BPIFA3: variants seen among roughly 807,000 people sequenced by gnomAD.
BPIFA3 encodes BPI fold containing family A member 3, also known as BPI fold-containing family A member 3.
BPIFA3 carries 32 observed loss-of-function variants against 29.7 expected under a neutral mutation model. The observed-to-expected ratio is 1.08, with a 90% confidence interval of 0.81 to 1.45. The LOEUF (loss-of-function observed/expected upper bound fraction) is 1.45, where lower values mean the gene tolerates loss of function less well. BPIFA3 is among the 40% of genes most tolerant of loss of function. BPIFA3 has a pLI of 0.00. For missense variants in BPIFA3, 323 were observed against 311.3 expected (o/e 1.04, Z -0.28); for synonymous variants, 112 against 113.7 (o/e 0.98, Z 0.10).
At chr20:33,221,142 C>A (rs898556960) in intron 1 of BPIFA3, among the ~76,000 whole-genome samples, 3 of 145,294 alleles carry the variant, frequency 2.1e-5, no homozygotes, top group African/African-American at 8.4e-5. Flanking sequence ...TTATGATGTA[C>A]TGTTAGATTT....
At chr20:33,222,325 G>A (rs374020400) in intron 1 of BPIFA3, among the ~76,000 whole-genome samples, 13 of 152,284 alleles carry the variant, frequency 8.5e-5, no homozygotes, top group African/African-American at 2.6e-4. Context: ...GCTTCTTTCC[G>A]ATAGGAGAAA....
At chr20:33,218,987 C>A (rs999064534) in intron 1 of BPIFA3, among the ~76,000 whole-genome samples, 1 of 152,134 alleles carries the variant, frequency 6.6e-6, no homozygotes, top group African/African-American at 2.4e-5. Flanking sequence ...CTCACTGCAA[C>A]GTCCACCTCC....
At chr20:33,226,255 T>C in intron 4 of BPIFA3, 151 bp from the exon 5 acceptor site, 1 of 648,116 alleles carries the variant, frequency 1.5e-6, no homozygotes, top group Non-Finnish European at 2.7e-6. Flanking sequence ...AGGTCTGAGC[T>C]ACCCCTTTGA....
At chr20:33,226,121 T>C (rs1040304072) in intron 4 of BPIFA3, 1 of 307,662 alleles carries the variant, frequency 3.3e-6, no homozygotes, top group Non-Finnish European at 5.9e-6. Context: ...CAGATATTCA[T>C]TGAGTACCTA....
rs1380377951 is a variant in BPIFA3, at chr20:33,217,518, T to C, written c.-19T>C. The stretch of plus-strand genomic sequence containing the variant: ...CAGGCCCCATCTGACACTCTTGACA[T>C]CTGCAGGTCCCAGACCCTATGATGT... On this transcript the variant is annotated 5_prime_UTR_variant, in exon 1 of 7. Transcript: ENST00000375454. 4.3e-6 allele frequency: 7 copies of C among 1,612,144 alleles called. No homozygotes were observed. The highest frequency in any genetic ancestry group is 5.9e-6 in the Non-Finnish European group (7 of 1,179,228).
At position 33,223,802 on chromosome 20, in the gene BPIFA3, C is replaced by A; in HGVS notation, c.128-9C>A. 1 of 1,610,096 alleles carries A rather than the reference C, an allele frequency of 6.2e-7. No homozygotes were observed. The highest frequency in any genetic ancestry group is 8.5e-7 in the Non-Finnish European group (1 of 1,176,794). On this transcript the variant is annotated splice_polypyrimidine_tract_variant and intron_variant, in intron 1 of 6. Transcript: ENST00000375454. ...CTGTGCAAAGTCAGTGGTCCTTGTG[C>A]ATTTCCAGTTATTGCTCAGGGCCTC...
chr20:33,227,154 C>G (rs767795072), intron 6 of BPIFA3, among the ~76,000 whole-genome samples, 161 bp downstream of exon 6: 6 of 152,104 alleles, frequency 3.9e-5, no homozygotes, highest in Non-Finnish European at 7.4e-5. Context: ...ACACTGTCCC[C>G]CAAGAGAGCT....
rs1985727206 is a variant in BPIFA3, at chr20:33,225,232, T to C, written c.521T>C (p.Val174Ala). ...GATGCAGAGCCCAGCAGTGTCCATG[T>C]GGCCATCCTCACTGAGTAAGACCCC... is the stretch of plus-strand genomic sequence containing the variant. ...KCDAEPSSVHVAILTEAIPPK... is the reference protein window; with the variant it reads ...KCDAEPSSVHAAILTEAIPPK... Residue 174 changes from valine (V) to alanine (A), a missense_variant, in exon 4 of 7, where the codon GTG becomes GCG. Val to Ala is a moderately conservative substitution (Grantham distance 64). Transcript: ENST00000375454. 6.2e-7 allele frequency: 1 copy of C among 1,613,942 alleles called. No individual in the cohort carries two copies. Among genetic ancestry groups the C allele is most frequent in the Non-Finnish European group, 8.5e-7 (1 of 1,180,024 alleles).
intron 6 of BPIFA3, among the ~76,000 whole-genome samples, 191 bp downstream of exon 6, chr20:33,227,184 C>T (rs963285493): frequency 3.7e-4 from 56 of 152,154 alleles, no homozygotes; most frequent in African/African-American, 1.3e-3. Context: ...GAACGTACCC[C>T]TACCAAGCAG....
intron 1 of BPIFA3, among the ~76,000 whole-genome samples, chr20:33,218,517 C>T (rs1172808490): frequency 6.6e-6 from 1 of 152,164 alleles, no homozygotes; most frequent in African/African-American, 2.4e-5. Context: ...GTTCTGGAGG[C>T]TGGAAGTCCA....
At chr20:33,224,002 T>A in intron 2 of BPIFA3, 41 bp downstream of exon 2, 1 of 1,606,576 alleles carries the variant, frequency 6.2e-7, no homozygotes, top group Non-Finnish European at 8.5e-7. Flanking sequence ...GAACTCTTTA[T>A]AGAGCTCTAG....
intron 1 of BPIFA3, among the ~76,000 whole-genome samples, chr20:33,218,310 A>G (rs1326875047): frequency 6.6e-6 from 1 of 152,172 alleles, no homozygotes; most frequent in African/African-American, 2.4e-5. Context: ...GGTAGAGGTG[A>G]ACTCAATTTA....
intron 5 of BPIFA3, 43 bp from the exon 6 acceptor site, chr20:33,226,887 T>C: frequency 6.2e-7 from 1 of 1,613,274 alleles, no homozygotes; most frequent in East Asian, 2.2e-5. Flanking sequence ...GTTTTCCTTT[T>C]CCAGCCCCTG....
At chr20:33,218,892 A>G (rs1157738171) in intron 1 of BPIFA3, among the ~76,000 whole-genome samples, 1 of 151,842 alleles carries the variant, frequency 6.6e-6, no homozygotes, top group East Asian at 1.9e-4. Context: ...AGCATCTTAT[A>G]CTTTTGTTAA....
intron 1 of BPIFA3, among the ~76,000 whole-genome samples, chr20:33,220,373 G>A (rs956677582): frequency 6.6e-6 from 1 of 151,960 alleles, no homozygotes; most frequent in South Asian, 2.1e-4. Flanking sequence ...ACTCCAGCCT[G>A]GGGGACAGAG....
intron 1 of BPIFA3, among the ~76,000 whole-genome samples, chr20:33,217,913 C>G (rs536299891): frequency 6.6e-6 from 1 of 152,252 alleles, no homozygotes; most frequent in Non-Finnish European, 1.5e-5. Flanking sequence ...CCCTTTATGA[C>G]TTATTCTCAC....
At position 33,227,621 on chromosome 20, in the gene BPIFA3, C is replaced by G; in HGVS notation, c.*4C>G. On this transcript the variant is annotated 3_prime_UTR_variant, in exon 7 of 7. Coordinates refer to ENST00000375454, the MANE Select transcript of BPIFA3 (RefSeq NM_178466.5). ...GGCTGGAGAGTCCCCCAGCTGACTTCTGCTGATCAGAAGGAAAGTCCACAT... is the reference window on the plus strand; with the variant it reads ...GGCTGGAGAGTCCCCCAGCTGACTTGTGCTGATCAGAAGGAAAGTCCACAT... The G allele has an allele frequency of 4.3e-6, 7 of 1,613,020 alleles. No homozygotes were observed. Among genetic ancestry groups the G allele is most frequent in the Non-Finnish European group, 5.9e-6 (7 of 1,179,038 alleles).
intron 4 of BPIFA3, 136 bp downstream of exon 4, chr20:33,225,383 A>G (rs1049346837): frequency 2.7e-5 from 34 of 1,273,096 alleles, no homozygotes; most frequent in Middle Eastern, 2.7e-4. Flanking sequence ...TCCTCCTCCC[A>G]TGTTCCCATC....
In BPIFA3 at chr20:33,226,337, A is replaced by G. The variant is rs927180510; in HGVS notation, c.537-69A>G. On this transcript the variant is annotated intron_variant, in intron 4 of 6. Transcript: ENST00000375454. ...AAAGACTGTGGAAAGTATACTCAAC[A>G]CATACCTCCTGGCTTTAATATTGCC... is the stretch of plus-strand genomic sequence containing the variant. 1.1e-5 allele frequency: 13 copies of G among 1,142,074 alleles called. No individual in the cohort carries two copies. The African/African-American group carries it at 2.0e-4, about 18-fold the overall frequency. 70.7% of individuals were successfully genotyped at this position (1,142,074 alleles called of 1,614,324 possible). A position where few individuals can be genotyped will look rare whatever the true frequency, so the allele number is the denominator to read the frequency against.
Sources: allele counts gnomAD v4.1 joint callset (sites outside exome capture counted in the v4.1 genomes callset), GRCh38; gene constraint gnomAD v4.1.1; transcripts MANE v1.5; gene names NCBI Gene and HGNC (gene_info 2026-07-23, HGNC 2026-07-21).